ARL15: variants seen among roughly 807,000 people sequenced by gnomAD.
The protein encoded by ARL15 is ADP-ribosylation factor-like protein 15.
ARL15 carries 19 observed loss-of-function variants against 25.2 expected under a neutral mutation model. The observed-to-expected ratio is 0.75, with a 90% CI of 0.53 to 1.10. The LOEUF (loss-of-function observed/expected upper bound fraction) is 1.10. Among genes scored for constraint, ARL15 ranks in the 50% least tolerant of loss-of-function variants. The pLI, the probability that ARL15 is intolerant of heterozygous loss-of-function variation, is 0.00. For synonymous variants in ARL15, 94 were observed against 86.8 expected, an observed-to-expected ratio of 1.08 and a Z score of -0.46; for missense variants, 220 against 246.0, an observed-to-expected ratio of 0.89 and a Z score of 0.71.
chr5:54,280,687 T>G (rs1183814687), intron 1 of ARL15, among the ~76,000 whole-genome samples: 12 of 152,232 alleles, frequency 7.9e-5, no homozygotes, highest in East Asian at 3.8e-4. Context: ...TGTACACACA[T>G]ACATATGTTC....
intron 4 of ARL15, among the ~76,000 whole-genome samples, chr5:54,016,634 A>G (rs1310027729): frequency 6.6e-6 from 1 of 152,140 alleles, no homozygotes; most frequent in Non-Finnish European, 1.5e-5. Flanking sequence ...ACACAGTAAA[A>G]TTGTTTTTCC....
In ARL15 at chr5:54,163,253, T is replaced by C. The variant is rs551749455; in HGVS notation, c.193+8531A>G. On this transcript the variant is annotated intron_variant, in intron 2 of 4. Coordinates refer to ENST00000504924, the MANE Select transcript of ARL15 (RefSeq NM_019087.3). ...GCATTCCTAGAATAAATGTCACATG[T>C]TCATGACATATTATCCTATTAAAAT... 5.9e-5 allele frequency among the ~76,000 whole-genome samples: 9 copies of C among 152,080 alleles called. No homozygotes were observed. In the East Asian group the frequency reaches 1.7e-3, roughly 29 times the overall value.
intron 4 of ARL15, among the ~76,000 whole-genome samples, chr5:54,019,592 T>A (rs1749531757): frequency 6.6e-6 from 1 of 152,196 alleles, no homozygotes; most frequent in Admixed American, 6.5e-5. Flanking sequence ...CTGAATGTAT[T>A]TACAAATTTT....
At chr5:53,982,137 T>TC (rs1366284967) in intron 4 of ARL15, among the ~76,000 whole-genome samples, 1 of 151,722 alleles carries the variant, frequency 6.6e-6, no homozygotes, top group Non-Finnish European at 1.5e-5. Context: ...CCCAGGTTTT[T>TC]CCCACTGCTT....
intron 4 of ARL15, among the ~76,000 whole-genome samples, chr5:53,962,616 A>G (rs1580121678): frequency 6.6e-6 from 1 of 152,322 alleles, no homozygotes; most frequent in East Asian, 1.9e-4. Flanking sequence ...GATTGATCAG[A>G]AATATATAGT....
At chr5:54,077,507 G>A (rs1250689204) in intron 4 of ARL15, among the ~76,000 whole-genome samples, 1 of 152,154 alleles carries the variant, frequency 6.6e-6, no homozygotes, top group Non-Finnish European at 1.5e-5. Flanking sequence ...TTCCAAACAA[G>A]TGTTGAAAAG....
chr5:53,939,595 C>G (rs892631836), intron 4 of ARL15, among the ~76,000 whole-genome samples: 1 of 151,936 alleles, frequency 6.6e-6, no homozygotes, highest in African/African-American at 2.4e-5. Flanking sequence ...ATTAGCTAGG[C>G]GTGGTGGGGC....
chr5:53,930,252 T>C (rs932708122), intron 4 of ARL15, among the ~76,000 whole-genome samples: 1 of 152,194 alleles, frequency 6.6e-6, no homozygotes, highest in Non-Finnish European at 1.5e-5. Context: ...CTTTTTATTA[T>C]TTTATCTCTT....
chr5:54,162,083 T>C (rs1754422677), intron 2 of ARL15, among the ~76,000 whole-genome samples: 1 of 151,790 alleles, frequency 6.6e-6, no homozygotes, highest in Admixed American at 6.6e-5. Flanking sequence ...GGGCAGTAAG[T>C]TTGAAGATGT....
chr5:54,129,574 T>C (rs1650670849), intron 3 of ARL15, among the ~76,000 whole-genome samples: 1 of 152,220 alleles, frequency 6.6e-6, no homozygotes, highest in Non-Finnish European at 1.5e-5. Flanking sequence ...GCGTAGCAGT[T>C]CAGATTTAAT....
At chr5:54,026,865 G>T (rs1210449942) in intron 4 of ARL15, among the ~76,000 whole-genome samples, 1 of 152,120 alleles carries the variant, frequency 6.6e-6, no homozygotes, top group South Asian at 2.1e-4. Context: ...CATGTAAACT[G>T]AGTTGCCAGA....
Position 54,251,834 on chromosome 5 carries a change from C to T in ARL15, c.48+58598G>A, listed in dbSNP as rs192612661. 2.4e-3 allele frequency among the ~76,000 whole-genome samples: 359 copies of T among 152,270 alleles called. 1 individual carries two copies. Among genetic ancestry groups the T allele is most frequent in the Non-Finnish European group, 3.8e-3 (261 of 68,022 alleles). On this transcript the variant is annotated intron_variant, in intron 1 of 4. Coordinates refer to ENST00000504924, the MANE Select transcript of ARL15 (RefSeq NM_019087.3). ...TGCACAATAGAATCACCCTGGAGGA[C>T]ATTAAAAAATCCCAATGCTAGGCCA...
chr5:54,239,812 C>G (rs1424597329), intron 1 of ARL15, among the ~76,000 whole-genome samples: 1 of 152,042 alleles, frequency 6.6e-6, no homozygotes, highest in Admixed American at 6.6e-5. Context: ...AGGCTGGGTC[C>G]TGGAAGGTTA....
intron 1 of ARL15, among the ~76,000 whole-genome samples, chr5:54,241,912 G>A (rs3797237): frequency 0.62 from 94,449 of 152,050 alleles, 30,124 homozygotes; most frequent in Non-Finnish European, 0.69. Flanking sequence ...TTCTTTTAAG[G>A]CTAATCTTAA....
intron 4 of ARL15, among the ~76,000 whole-genome samples, chr5:54,030,946 G>C (rs1458277890): frequency 6.6e-6 from 1 of 152,162 alleles, no homozygotes; most frequent in Admixed American, 6.5e-5. Flanking sequence ...TTTAAGAAGA[G>C]AATGTGACAC....
intron 4 of ARL15, among the ~76,000 whole-genome samples, chr5:54,068,324 A>G (rs3776688): frequency 0.27 from 41,574 of 152,078 alleles, 7,357 homozygotes; most frequent in African/African-American, 0.51. Context: ...CACCAGCACC[A>G]AGGAACAGAA....
intron 4 of ARL15, among the ~76,000 whole-genome samples, chr5:53,904,738 CT>C (rs35684823): frequency 1.2e-3 from 154 of 126,146 alleles, no homozygotes; most frequent in East Asian, 4.1e-3. Context: ...TTTTTAGTTC[CT>C]TTTTTTTTTT....
chr5:54,201,879 A>G (rs1755734053), intron 1 of ARL15, among the ~76,000 whole-genome samples: 1 of 152,190 alleles, frequency 6.6e-6, no homozygotes, highest in Non-Finnish European at 1.5e-5. Context: ...GGCCTCTTAG[A>G]AAACCTCAAG....
At chr5:54,066,032 G>A (rs368744377) in intron 4 of ARL15, among the ~76,000 whole-genome samples, 1 of 152,166 alleles carries the variant, frequency 6.6e-6, no homozygotes, top group Non-Finnish European at 1.5e-5. Flanking sequence ...TACTCTGCTA[G>A]ATGTTTTAAA....
Sources: gnomAD v4.1 joint callset for allele counts (sites outside exome capture counted in the v4.1 genomes callset) on GRCh38, gnomAD v4.1.1 for gene constraint, MANE v1.5 for transcripts, NCBI Gene and HGNC (gene_info 2026-07-23, HGNC 2026-07-21) for gene names.